Variants in FHOD3 observed in about 807,000 individuals in gnomAD.
The protein encoded by FHOD3 is FH1/FH2 domain-containing protein 3.
FHOD3 carries 90 observed loss-of-function variants against 173.0 expected under a neutral mutation model. That is an observed-to-expected ratio of 0.52 (90% CI 0.44 to 0.62). The LOEUF (loss-of-function observed/expected upper bound fraction) is 0.62, where lower values mean the gene tolerates loss of function less well. Among genes scored for constraint, FHOD3 ranks in the 20% least tolerant of loss-of-function variants. FHOD3 has a pLI of 0.00. For synonymous variants in FHOD3, 828 were observed against 823.0 expected, an observed-to-expected ratio of 1.01 and a Z score of -0.10; for missense variants, 1,945 against 2,034.7, an observed-to-expected ratio of 0.96 and a Z score of 0.85.
At chr18:36,769,834 G>A (rs1253415405) in intron 28 of FHOD3, among the ~76,000 whole-genome samples, 3 of 152,142 alleles carry the variant, frequency 2.0e-5, no homozygotes, top group Non-Finnish European at 4.4e-5. Flanking sequence ...TGTGGGGCTG[G>A]AGACTGGCCT....
chr18:36,482,135 T>G (rs547779511), intron 3 of FHOD3, among the ~76,000 whole-genome samples: 11 of 152,328 alleles, frequency 7.2e-5, no homozygotes, highest in African/African-American at 2.4e-4. Context: ...ACTGGTTCTT[T>G]CATTCACCCT....
intron 1 of FHOD3, among the ~76,000 whole-genome samples, chr18:36,354,272 T>C (rs1186544936): frequency 6.6e-6 from 1 of 152,192 alleles, no homozygotes; most frequent in Non-Finnish European, 1.5e-5. Context: ...CAAATCAAAC[T>C]GCTGGTATCC....
chr18:36,730,756 C>T lies in FHOD3; in HGVS notation c.3528C>T (p.Ile1176=), dbSNP rs767028264. 9.9e-6 allele frequency: 16 copies of T among 1,613,934 alleles called. No homozygotes were observed. The highest frequency in any genetic ancestry group is 1.7e-5 in the Admixed American group (1 of 59,998). ...TGCCCCCTCCAAGGACGATTAAGAT[C>T]GCCATTTTGAATTTTGATGAGTATG... ...TVLPPPRTIK[I]AILNFDEYAL... is the part of the protein sequence containing the mutation. The change falls in exon 20 of 29, where the codon ATC becomes ATT. Residue 1176 remains isoleucine (I), a synonymous_variant. Coordinates refer to ENST00000590592, the MANE Select transcript of FHOD3 (RefSeq NM_001281740.3).
chr18:36,478,564 C>G (rs1012310170), intron 3 of FHOD3, among the ~76,000 whole-genome samples: 1 of 152,116 alleles, frequency 6.6e-6, no homozygotes, highest in Non-Finnish European at 1.5e-5. Context: ...CCAATGTAGC[C>G]TCTTCTTAAA....
In FHOD3 at chr18:36,543,577, G is replaced by A. The variant is rs367544537; in HGVS notation, c.511+31034G>A. Reference sequence around the variant, plus strand: ...ACGATGAACAAAATAGAACATTCTTGAAGTTTCCTGATGCTAAAAAACCTT... The same window carrying A: ...ACGATGAACAAAATAGAACATTCTTAAAGTTTCCTGATGCTAAAAAACCTT... On this transcript the variant is annotated intron_variant, in intron 5 of 28. Coordinates refer to ENST00000590592, the MANE Select transcript of FHOD3 (RefSeq NM_001281740.3). Among the ~76,000 whole-genome samples, 12 of 152,248 alleles carry A rather than the reference G, an allele frequency of 7.9e-5. No homozygotes were observed. In the East Asian group the frequency reaches 1.2e-3, roughly 15 times the overall value.
intron 1 of FHOD3, among the ~76,000 whole-genome samples, chr18:36,329,081 C>T (rs1023472972): frequency 3.9e-5 from 6 of 152,054 alleles, no homozygotes; most frequent in Admixed American, 3.9e-4. Flanking sequence ...ATTCTTGCCC[C>T]GAATCCCCCA....
intron 9 of FHOD3, among the ~76,000 whole-genome samples, chr18:36,620,816 A>G (rs1033185497): frequency 2.6e-5 from 4 of 152,246 alleles, no homozygotes; most frequent in Admixed American, 6.5e-5. Flanking sequence ...CTGAAAGTTA[A>G]TGCATCTCAA....
chr18:36,760,288 G>A (rs2042814383), intron 26 of FHOD3, among the ~76,000 whole-genome samples: 1 of 152,148 alleles, frequency 6.6e-6, no homozygotes, highest in South Asian at 2.1e-4. Flanking sequence ...AACACATTTG[G>A]TTTTAGACCT....
intron 3 of FHOD3, among the ~76,000 whole-genome samples, chr18:36,395,934 G>C (rs2048534835): frequency 6.6e-6 from 1 of 152,002 alleles, no homozygotes; most frequent in Non-Finnish European, 1.5e-5. Flanking sequence ...AATTGAAGAG[G>C]GTAAGGAGTC....
intron 21 of FHOD3, among the ~76,000 whole-genome samples, chr18:36,741,660 A>G (rs2041908066): frequency 6.6e-6 from 1 of 151,930 alleles, no homozygotes; most frequent in Admixed American, 6.6e-5. Context: ...AGTCCCAGCT[A>G]CTCAGGAGGC....
In FHOD3 at chr18:36,736,324, C is replaced by T. The variant is rs1016180688; in HGVS notation, c.3577-4332C>T. Among the ~76,000 whole-genome samples the T allele has an allele frequency of 1.0e-3, 159 of 152,256 alleles. 1 individual carries two copies. The highest frequency in any genetic ancestry group is 2.2e-4 in the Non-Finnish European group (15 of 68,052). On this transcript the variant is annotated intron_variant, in intron 20 of 28. Coordinates refer to ENST00000590592, the MANE Select transcript of FHOD3 (RefSeq NM_001281740.3). ...AATGTTAACTCAGTTGGCCCTCTGC[C>T]TTTTCATGTGAGGTGGTTGCTCTCC...
chr18:36,471,088 C>A (rs1396433925), intron 3 of FHOD3, among the ~76,000 whole-genome samples: 2 of 152,202 alleles, frequency 1.3e-5, no homozygotes, highest in Non-Finnish European at 2.9e-5. Context: ...GATGCAAATG[C>A]AGCTGTGCCC....
intron 24 of FHOD3, among the ~76,000 whole-genome samples, chr18:36,748,382 A>ACACACACACAC (rs1555836081): frequency 7.0e-6 from 1 of 143,484 alleles, no homozygotes; most frequent in African/African-American, 2.6e-5. Flanking sequence ...ACACACACAC[A>ACACACACACAC]ACACACACAC....
chr18:36,308,211 A>T (rs1025476389), intron 1 of FHOD3, among the ~76,000 whole-genome samples: 1 of 152,240 alleles, frequency 6.6e-6, no homozygotes, highest in Non-Finnish European at 1.5e-5. Context: ...CTGCAGAAAA[A>T]TAAATATTTT....
At chr18:36,495,744 T>G (rs2054711412) in intron 3 of FHOD3, among the ~76,000 whole-genome samples, 1 of 152,140 alleles carries the variant, frequency 6.6e-6, no homozygotes, top group Non-Finnish European at 1.5e-5. Flanking sequence ...TGCACATGCC[T>G]CTGCACACAC....
intron 3 of FHOD3, among the ~76,000 whole-genome samples, chr18:36,470,049 A>G (rs2053187059): frequency 6.6e-6 from 1 of 152,200 alleles, no homozygotes; most frequent in South Asian, 2.1e-4. Context: ...GAAATTCTGT[A>G]GCAGAGAGCT....
At chr18:36,666,227 A>G (rs1009070747) in intron 14 of FHOD3, among the ~76,000 whole-genome samples, 2 of 152,208 alleles carry the variant, frequency 1.3e-5, no homozygotes, top group South Asian at 4.1e-4. Context: ...CAGGCTGGAG[A>G]ATAGAAAGCA....
intron 1 of FHOD3, among the ~76,000 whole-genome samples, chr18:36,352,366 C>T (rs1242971648): frequency 6.6e-6 from 1 of 152,186 alleles, no homozygotes; most frequent in Non-Finnish European, 1.5e-5. Context: ...CACAGTGTGT[C>T]ACTTCCTAAT....
At position 36,629,916 on chromosome 18, in the gene FHOD3, C is replaced by T. The variant is rs555467483; in HGVS notation, c.1196+4167C>T. Among the ~76,000 whole-genome samples, 7 of 152,018 alleles carry T rather than the reference C, an allele frequency of 4.6e-5. No homozygotes were observed. In the East Asian group the frequency reaches 5.8e-4, roughly 13 times the overall value. On this transcript the variant is annotated intron_variant, in intron 10 of 28. Coordinates refer to ENST00000590592, the MANE Select transcript of FHOD3 (RefSeq NM_001281740.3). ...ACATTTTTGGTTGTTATAACTGGGACGGGGTGGTGCTGCTGGCATCTAGTG... is the reference window on the plus strand; with the variant it reads ...ACATTTTTGGTTGTTATAACTGGGATGGGGTGGTGCTGCTGGCATCTAGTG...
Sources: allele counts gnomAD v4.1 joint callset (sites outside exome capture counted in the v4.1 genomes callset), GRCh38; gene constraint gnomAD v4.1.1; transcripts MANE v1.5; gene names NCBI Gene and HGNC (gene_info 2026-07-23, HGNC 2026-07-21).